POLR1C: variants seen among roughly 807,000 people sequenced by gnomAD.
POLR1C encodes DNA-directed RNA polymerases I and III subunit RPAC1.
A neutral mutation model predicts 38.3 loss-of-function variants in POLR1C; 42 were observed. The ratio of observed to expected loss-of-function variants is 1.10; its 90% confidence interval spans 0.86 to 1.42. The LOEUF (loss-of-function observed/expected upper bound fraction) is 1.42. Among genes scored for constraint, POLR1C ranks in the 40% most tolerant of loss-of-function variants. POLR1C has a pLI of 0.00. For synonymous variants in POLR1C, 163 were observed against 163.9 expected (o/e 0.99, Z 0.04); for missense variants, 507 against 450.5 (o/e 1.13, Z -1.14).
chr6:43,561,177 G>C (rs1380021124), intron 10 of POLR1C, among the ~76,000 whole-genome samples: 1 of 151,978 alleles, frequency 6.6e-6, no homozygotes, highest in Non-Finnish European at 1.5e-5. Flanking sequence ...CTAAAATATA[G>C]GTTACTTTGC....
intron 8 of POLR1C, chr6:43,528,984 G>T (rs1427907638): frequency 1.3e-6 from 2 of 1,510,094 alleles, no homozygotes; most frequent in Admixed American, 3.8e-5. Flanking sequence ...CCTGCCAGGT[G>T]GTGGGTTGCA....
At chr6:43,546,235 T>C (rs1794958660) in intron 9 of POLR1C, among the ~76,000 whole-genome samples, 1 of 151,914 alleles carries the variant, frequency 6.6e-6, no homozygotes, top group Non-Finnish European at 1.5e-5. Flanking sequence ...CTGCTCCCAA[T>C]GAGCAATTCC....
chr6:43,561,363 C>T, intron 10 of POLR1C: 1 of 189,928 alleles, frequency 5.3e-6, no homozygotes, highest in Non-Finnish European at 1.1e-5. Flanking sequence ...ATTACCTAAT[C>T]CCTTCAATAG....
At chr6:43,547,670 C>T in intron 9 of POLR1C, 2 of 1,613,982 alleles carry the variant, frequency 1.2e-6, no homozygotes, top group Non-Finnish European at 1.7e-6. Flanking sequence ...TGATCTGTAC[C>T]CACATACGCA....
downstream of POLR1C, chr6:43,523,739 A>G: frequency 6.8e-7 from 1 of 1,468,482 alleles, no homozygotes; most frequent in South Asian, 1.1e-5. Context: ...CCAGCTCCAG[A>G]CCTGGATCTC....
At chr6:43,555,319 TTA>T (rs1285783562) in intron 10 of POLR1C, 1 of 153,254 alleles carries the variant, frequency 6.5e-6, no homozygotes, top group African/African-American at 2.4e-5. Flanking sequence ...TACAGAGAAG[TTA>T]ACTGGCTGAG....
chr6:43,517,093 T>C lies in POLR1C; in HGVS notation c.-17T>C. On this transcript the variant is annotated 5_prime_UTR_variant, in exon 1 of 9. Coordinates refer to ENST00000642195, the MANE Select transcript of POLR1C (RefSeq NM_203290.4). ...CACGCGCGAGATAGAACCTCTAGTC[T>C]CGTGGAGAGATTGAAGATGGCGGCT... The C allele has an allele frequency of 6.2e-7, 1 of 1,613,662 alleles. No individual in the cohort carries two copies.
At chr6:43,529,981 A>G (rs945308448), downstream of POLR1C, among the ~76,000 whole-genome samples, 1 of 151,240 alleles carries the variant, frequency 6.6e-6, no homozygotes, top group Non-Finnish European at 1.5e-5. Flanking sequence ...ACAGCTGGGC[A>G]TGGTGGCTCA....
downstream of POLR1C, chr6:43,522,551 T>G (rs1192620731): frequency 3.7e-6 from 1 of 267,774 alleles, no homozygotes; most frequent in East Asian, 1.1e-4. Context: ...GAGATCGCCT[T>G]CACGATCCAC....
At chr6:43,526,782 T>C (rs1243673820) in intron 8 of POLR1C, 4 of 1,606,514 alleles carry the variant, frequency 2.5e-6, no homozygotes, top group Admixed American at 1.7e-5. Context: ...AGGTGAAGGG[T>C]GGGTATATAC....
At chr6:43,526,708 C>G (rs1037336831) in intron 8 of POLR1C, 1 of 1,613,948 alleles carries the variant, frequency 6.2e-7, no homozygotes, top group Non-Finnish European at 8.5e-7. Context: ...TGGGGGAGCA[C>G]TACTGTGGTC....
At chr6:43,555,835 C>A (rs990250564) in intron 10 of POLR1C, 10 of 1,613,568 alleles carry the variant, frequency 6.2e-6, no homozygotes, top group Admixed American at 3.3e-5. Flanking sequence ...AAAAAACTTA[C>A]AATTCACAGA....
intron 9 of POLR1C, among the ~76,000 whole-genome samples, chr6:43,541,126 GT>G (rs1428508850): frequency 8.5e-5 from 13 of 152,056 alleles, no homozygotes; most frequent in Non-Finnish European, 1.9e-4. Context: ...TGGGTTAGGG[GT>G]AAGGTAGGGA....
intron 9 of POLR1C, chr6:43,548,571 G>A (rs776932971): frequency 8.3e-6 from 8 of 961,892 alleles, no homozygotes; most frequent in Non-Finnish European, 1.2e-5. Context: ...GGAAAGTCAG[G>A]CCTATAAGGT....
At chr6:43,547,793 T>G in intron 9 of POLR1C, 1 of 1,223,360 alleles carries the variant, frequency 8.2e-7, no homozygotes, top group Non-Finnish European at 1.2e-6. Flanking sequence ...GCTATCATTA[T>G]TTGGCCCTTA....
chr6:43,550,932 A>AT (rs1795197723), intron 9 of POLR1C: 1 of 160,776 alleles, frequency 6.2e-6, no homozygotes, highest in South Asian at 1.8e-4. Flanking sequence ...AATGCCATAT[A>AT]GGTAACATTA....
At chr6:43,519,977 A>G (rs1793054000) in intron 4 of POLR1C, 89 bp from the exon 5 acceptor site, 3 of 1,568,896 alleles carry the variant, frequency 1.9e-6, no homozygotes, top group South Asian at 2.3e-5. Context: ...CAAGTTTGCC[A>G]TAATTAAATG....
chr6:43,522,160 G>C (rs1346085308), downstream of POLR1C, among the ~76,000 whole-genome samples: 1 of 152,204 alleles, frequency 6.6e-6, no homozygotes, highest in African/African-American at 2.4e-5. Flanking sequence ...GGGCTGCCTA[G>C]TCTGGGTATG....
intron 9 of POLR1C, among the ~76,000 whole-genome samples, chr6:43,543,211 A>C (rs931510884): frequency 2.0e-5 from 3 of 152,196 alleles, no homozygotes; most frequent in Non-Finnish European, 2.9e-5. Flanking sequence ...CACATCTGTT[A>C]TCCCAGCACT....
Sources: gnomAD v4.1 joint callset for allele counts (sites outside exome capture counted in the v4.1 genomes callset) on GRCh38, gnomAD v4.1.1 for gene constraint, MANE v1.5 for transcripts, NCBI Gene and HGNC (gene_info 2026-07-23, HGNC 2026-07-21) for gene names.